LMO7: variants seen among roughly 807,000 people sequenced by gnomAD.
LMO7 encodes the protein LIM domain 7.
In LMO7, 120 loss-of-function variants were observed where a neutral mutation model predicts 206.5. The ratio of observed to expected loss-of-function variants is 0.58; its 90% CI spans 0.50 to 0.68. The LOEUF (loss-of-function observed/expected upper bound fraction) is 0.68, where lower values mean the gene tolerates loss of function less well. LMO7 is among the 30% of genes least tolerant of loss of function. LMO7 has a pLI of 0.00. For synonymous variants in LMO7, 706 were observed against 681.5 expected (o/e 1.04, Z -0.56); for missense variants, 1,959 against 1,957.9 (o/e 1.00, Z -0.01).
chr13:75,825,008 AG>A (rs1236400735), intron 15 of LMO7, among the ~76,000 whole-genome samples: 1 of 152,174 alleles, frequency 6.6e-6, no homozygotes, highest in Non-Finnish European at 1.5e-5. Context: ...AATGCAGGAA[AG>A]TATAAATAAT....
intron 1 of LMO7, among the ~76,000 whole-genome samples, chr13:75,652,620 T>A (rs2037692765): frequency 8.5e-6 from 1 of 117,110 alleles, no homozygotes; most frequent in Non-Finnish European, 2.0e-5. Context: ...GTTCAGTGTG[T>A]GTGTGTGTGT....
chr13:75,700,390 A>G (rs947200682), intron 1 of LMO7, among the ~76,000 whole-genome samples: 3 of 152,238 alleles, frequency 2.0e-5, no homozygotes, highest in African/African-American at 7.2e-5. Flanking sequence ...TTATAAAAGT[A>G]TTCATTTGGA....
chr13:75,781,096 C>CTTTTTTTTTTTTTTTTTCTTT (rs2051285777), intron 4 of LMO7, among the ~76,000 whole-genome samples: 10 of 41,922 alleles, frequency 2.4e-4, no homozygotes, highest in Non-Finnish European at 3.2e-4. Flanking sequence ...CTCTATTTTC[C>CTTTTTTTTTTTTTTTTTCTTT]TTTTTTTTTT....
intron 1 of LMO7, among the ~76,000 whole-genome samples, chr13:75,697,810 G>A (rs1442096985): frequency 1.3e-5 from 2 of 152,208 alleles, no homozygotes; most frequent in African/African-American, 2.4e-5. Context: ...ATAATTAGAT[G>A]CATTGTAGAG....
Position 75,766,918 on chromosome 13 carries a change from T to C in LMO7, c.317+5880T>C, listed in dbSNP as rs115433821. Among the ~76,000 whole-genome samples, 192 of 152,242 alleles carry C rather than the reference T, an allele frequency of 1.3e-3. 1 individual carries two copies. The highest frequency in any genetic ancestry group is 4.4e-3 in the African/African-American group (183 of 41,562). On this transcript the variant is annotated intron_variant, in intron 4 of 30. Coordinates refer to ENST00000377534, the MANE Select transcript of LMO7 (RefSeq NM_001306080.2). ...AGATGGGGAAAAACCTGTCTTAATC[T>C]TTGCCAACTCATCCTCTTTTTATTC...
chr13:75,731,145 C>G (rs368105856), intron 3 of LMO7, among the ~76,000 whole-genome samples: 1 of 152,180 alleles, frequency 6.6e-6, no homozygotes, highest in South Asian at 2.1e-4. Flanking sequence ...TCTATTAGGT[C>G]CGCCTGGTGC....
At position 75,698,587 on chromosome 13, in the gene LMO7, C is replaced by A. The variant is rs2137861016; in HGVS notation, c.70-14595C>A. Among the ~76,000 whole-genome samples, 4 of 151,360 alleles carry A rather than the reference C, an allele frequency of 2.6e-5. No individual in the cohort carries two copies. The South Asian group carries it at 6.2e-4, about 24-fold the overall frequency. On this transcript the variant is annotated intron_variant, in intron 1 of 30. Coordinates refer to ENST00000377534, the MANE Select transcript of LMO7 (RefSeq NM_001306080.2). ...TACAGATGTGAGACATTTCATCTGG[C>A]CAAAATATATTTAAGTTTTTTTTTT...
intron 1 of LMO7, among the ~76,000 whole-genome samples, chr13:75,644,577 G>A (rs1289011160): frequency 2.0e-5 from 3 of 152,180 alleles, no homozygotes; most frequent in Non-Finnish European, 2.9e-5. Context: ...TGTTAGTGCC[G>A]TATTAGTACA....
intron 2 of LMO7, among the ~76,000 whole-genome samples, chr13:75,630,618 G>A (rs7986038): frequency 1.9e-4 from 29 of 152,250 alleles, no homozygotes; most frequent in Admixed American, 4.6e-4. Context: ...AGGTTGAAAT[G>A]AGTGCCACTG....
chr13:75,674,993 A>G (rs2039886318), intron 1 of LMO7, among the ~76,000 whole-genome samples: 1 of 152,208 alleles, frequency 6.6e-6, no homozygotes. Flanking sequence ...AGTCAGTTTC[A>G]GTTTCCTAGT....
intron 15 of LMO7, among the ~76,000 whole-genome samples, chr13:75,827,434 G>T (rs1227564846): frequency 6.6e-6 from 1 of 152,170 alleles, no homozygotes; most frequent in Non-Finnish European, 1.5e-5. Flanking sequence ...ATAATGAAGG[G>T]AAGAACTTAA....
chr13:75,770,105 A>T (rs1050367405), intron 4 of LMO7, among the ~76,000 whole-genome samples: 1 of 152,006 alleles, frequency 6.6e-6, no homozygotes, highest in African/African-American at 2.4e-5. Flanking sequence ...ATAAGAACAT[A>T]GATTTCCAAG....
chr13:75,683,823 T>C (rs551309119), intron 1 of LMO7, among the ~76,000 whole-genome samples: 4 of 152,242 alleles, frequency 2.6e-5, no homozygotes, highest in African/African-American at 9.6e-5. Flanking sequence ...AGCTTATAGG[T>C]TGATTAAAAA....
intron 2 of LMO7, 32 bp downstream of exon 2, chr13:75,713,284 A>AGGGACATGGATG: frequency 1.3e-6 from 2 of 1,514,586 alleles, no homozygotes; most frequent in Non-Finnish European, 1.8e-6. Context: ...AAAATAATTC[A>AGGGACATGGATG]AAAGCAAAGA....
chr13:75,640,958 C>T (rs1357051937), intron 1 of LMO7, among the ~76,000 whole-genome samples: 4 of 152,174 alleles, frequency 2.6e-5, no homozygotes, highest in African/African-American at 4.8e-5. Context: ...TGATGATTTC[C>T]CTCATGGGGA....
intron 1 of LMO7, chr13:75,688,827 C>A (rs1230507595): frequency 6.6e-6 from 1 of 152,096 alleles, no homozygotes. Flanking sequence ...TCTTCAAACC[C>A]ATCACTGATG....
At chr13:75,772,628 T>C (rs2049909873) in intron 4 of LMO7, among the ~76,000 whole-genome samples, 1 of 152,100 alleles carries the variant, frequency 6.6e-6, no homozygotes, top group South Asian at 2.1e-4. Flanking sequence ...GTTTCTCTTA[T>C]AAAATTGTCT....
chr13:75,801,528 C>T (rs749573727), intron 7 of LMO7, among the ~76,000 whole-genome samples: 8 of 152,090 alleles, frequency 5.3e-5, no homozygotes, highest in South Asian at 2.1e-4. Flanking sequence ...CATTCTGTTG[C>T]GGGAAGGAAC....
rs1385644111 is a variant in LMO7, at chr13:75,729,601, T to G, written c.210+2503T>G. The stretch of plus-strand genomic sequence containing the variant: ...GGGACAATTTGACTTCCTCTTTTCC[T>G]AATTGAATACCCTTTATTTCCTTCT... On this transcript the variant is annotated intron_variant, in intron 3 of 30. Coordinates refer to ENST00000377534, the MANE Select transcript of LMO7 (RefSeq NM_001306080.2). Among the ~76,000 whole-genome samples the G allele has an allele frequency of 2.7e-5, 4 of 150,730 alleles. No homozygotes were observed. In the East Asian group the frequency reaches 7.8e-4, roughly 30 times the overall value.
Sources: allele counts gnomAD v4.1 joint callset (sites outside exome capture counted in the v4.1 genomes callset), GRCh38; gene constraint gnomAD v4.1.1; transcripts MANE v1.5; gene names NCBI Gene and HGNC (gene_info 2026-07-23, HGNC 2026-07-21).